Variants in LTAP1 observed in about 807,000 individuals in gnomAD.
The protein encoded by LTAP1 is lipid transport auxiliary protein 1, also known as HCV NS5A-transactivated protein 4.
At chr1:154,212,460 CT>C in the LTAP1 span, 1 of 1,614,164 alleles carries the variant, frequency 6.2e-7, no homozygotes, top group East Asian at 2.2e-5. Flanking sequence ...TGGCTTACCC[CT>C]GTCCCATAGC....
chr1:154,215,183 T>C, the LTAP1 span, among the ~76,000 whole-genome samples: 2 of 152,088 alleles, frequency 1.3e-5, no homozygotes, highest in African/African-American at 4.8e-5. Flanking sequence ...GGATTACAGG[T>C]ATGCACCTAG....
At chr1:154,215,703 C>A in the LTAP1 span, among the ~76,000 whole-genome samples, 17 of 152,180 alleles carry the variant, frequency 1.1e-4, 1 homozygote, top group South Asian at 3.5e-3. Flanking sequence ...TAACTTTTTA[C>A]AAACTCCCAT....
the LTAP1 span, among the ~76,000 whole-genome samples, chr1:154,211,125 C>G: frequency 2.0e-5 from 3 of 151,576 alleles, no homozygotes; most frequent in African/African-American, 7.3e-5. Context: ...CTGCCTCAGC[C>G]TCCCGAGTAG....
At chr1:154,214,595 TAC>T in the LTAP1 span, 1 of 1,497,764 alleles carries the variant, frequency 6.7e-7, no homozygotes, top group Non-Finnish European at 9.3e-7. Context: ...AAAAAAAGAA[TAC>T]ACAATCATTT....
the LTAP1 span, among the ~76,000 whole-genome samples, chr1:154,208,922 A>AT: frequency 6.6e-6 from 1 of 151,878 alleles, no homozygotes; most frequent in African/African-American, 2.4e-5. Flanking sequence ...CAATTTTTCT[A>AT]TTTTTAGTAG....
At chr1:154,213,936 G>A in the LTAP1 span, 37 of 1,612,706 alleles carry the variant, frequency 2.3e-5, no homozygotes, top group Non-Finnish European at 3.1e-5. Flanking sequence ...TATACAGATA[G>A]TTGTAGCAAC....
the LTAP1 span, among the ~76,000 whole-genome samples, chr1:154,216,475 C>T: frequency 1.3e-5 from 2 of 151,904 alleles, no homozygotes; most frequent in Admixed American, 6.6e-5. Context: ...GCTGGGGTTA[C>T]AGGCACACAC....
the LTAP1 span, chr1:154,220,240 C>T: frequency 7.2e-7 from 1 of 1,396,228 alleles, no homozygotes; most frequent in East Asian, 2.3e-5. Flanking sequence ...CCCGGATAGG[C>T]GCAGGTGAGT....
chr1:154,213,661 G>T, the LTAP1 span, among the ~76,000 whole-genome samples: 2,174 of 152,300 alleles, frequency 0.014, 34 homozygotes, highest in Non-Finnish European at 0.023. Flanking sequence ...GAAACTAAAG[G>T]TCTCAAGAGA....
the LTAP1 span, chr1:154,207,236 G>GA: frequency 2.3e-6 from 1 of 433,622 alleles, no homozygotes; most frequent in East Asian, 3.8e-5. Flanking sequence ...GCTACTGGGG[G>GA]AAAATAGTCT....
chr1:154,212,492 A>G, the LTAP1 span: 1 of 1,614,148 alleles, frequency 6.2e-7, no homozygotes, highest in South Asian at 1.1e-5. Context: ...ATAGCCATCC[A>G]AAAGGGTATC....
the LTAP1 span, chr1:154,207,389 A>G: frequency 1.2e-5 from 18 of 1,545,858 alleles, no homozygotes; most frequent in Middle Eastern, 1.7e-4. Context: ...GCGGCCCGGC[A>G]AGCAGCCTGT....
At chr1:154,219,953 T>A in the LTAP1 span, 1 of 1,561,046 alleles carries the variant, frequency 6.4e-7, no homozygotes, top group Non-Finnish European at 8.7e-7. Context: ...CAAAAAGATG[T>A]AAAAATCCTT....
At chr1:154,219,454 A>G in the LTAP1 span, among the ~76,000 whole-genome samples, 12 of 152,194 alleles carry the variant, frequency 7.9e-5, no homozygotes, top group Admixed American at 2.0e-4. Flanking sequence ...TCTTAAGTCT[A>G]AAATTATGTA....
At chr1:154,220,516 A>G in the LTAP1 span, 4 of 1,251,400 alleles carry the variant, frequency 3.2e-6, no homozygotes, top group Non-Finnish European at 4.7e-6. Context: ...CTCCCCGGCC[A>G]TTTCCTTACG....
the LTAP1 span, among the ~76,000 whole-genome samples, chr1:154,208,214 G>A: frequency 6.6e-6 from 1 of 152,086 alleles, no homozygotes; most frequent in African/African-American, 2.4e-5. Flanking sequence ...GACCAGTCTG[G>A]GAAACAAAGT....
the LTAP1 span, among the ~76,000 whole-genome samples, chr1:154,210,465 T>C: frequency 2.6e-5 from 4 of 152,164 alleles, no homozygotes; most frequent in African/African-American, 2.4e-5. Context: ...ATTATTTTTA[T>C]GGCTGGTAAC....
chr1:154,207,361 G>A, the LTAP1 span: 3 of 1,214,906 alleles, frequency 2.5e-6, no homozygotes, highest in Non-Finnish European at 3.6e-6. Flanking sequence ...TGGGCCTGCT[G>A]GGCCAGATGT....
the LTAP1 span, among the ~76,000 whole-genome samples, chr1:154,214,897 T>G: frequency 6.6e-6 from 1 of 150,766 alleles, no homozygotes; most frequent in Non-Finnish European, 1.5e-5. Flanking sequence ...CAGGCTGGAG[T>G]GCAGTGGCGC....
Sources: gnomAD v4.1 joint callset for allele counts (sites outside exome capture counted in the v4.1 genomes callset) on GRCh38, gnomAD v4.1.1 for gene constraint, MANE v1.5 for transcripts, NCBI Gene and HGNC (gene_info 2026-07-23, HGNC 2026-07-21) for gene names.